Variants in PACSIN2 observed in about 807,000 individuals in gnomAD.
The protein encoded by PACSIN2 is protein kinase C and casein kinase substrate in neurons protein 2.
PACSIN2 carries 25 observed loss-of-function variants against 63.8 expected under a neutral mutation model. The observed-to-expected ratio is 0.39, with a 90% CI of 0.29 to 0.55. PACSIN2 has a LOEUF of 0.55. PACSIN2 is among the 20% of genes least tolerant of loss of function. The probability of loss-of-function intolerance (pLI) is 0.62; values close to 1 mark genes in which losing one functional copy is unlikely to be tolerated. For missense variants in PACSIN2, 518 were observed against 646.9 expected, an observed-to-expected ratio of 0.80 and a Z score of 2.16; for synonymous variants, 255 against 256.2, an observed-to-expected ratio of 1.00 and a Z score of 0.05.
intron 1 of PACSIN2, among the ~76,000 whole-genome samples, chr22:42,991,905 A>G (rs527511704): frequency 6.6e-6 from 1 of 152,314 alleles, no homozygotes; most frequent in East Asian, 1.9e-4. Context: ...ACATAAAACT[A>G]TAACATTTCT....
chr22:42,944,478 T>C (rs1314912865), intron 1 of PACSIN2, among the ~76,000 whole-genome samples: 1 of 152,178 alleles, frequency 6.6e-6, no homozygotes, highest in African/African-American at 2.4e-5. Context: ...GCTAATAGGC[T>C]TCATGGAAAA....
At chr22:42,874,490 C>T (rs1034601212) in intron 10 of PACSIN2, among the ~76,000 whole-genome samples, 1 of 152,180 alleles carries the variant, frequency 6.6e-6, no homozygotes, top group Non-Finnish European at 1.5e-5. Context: ...TTGGTGTGTG[C>T]ATGGTAGGTG....
chr22:42,877,263 C>T (rs1928713181), intron 8 of PACSIN2, among the ~76,000 whole-genome samples: 1 of 152,282 alleles, frequency 6.6e-6, no homozygotes, highest in East Asian at 1.9e-4. Flanking sequence ...CCGTCCAGAA[C>T]AGGGGCCCTG....
At chr22:42,924,502 G>C (rs1411936664) in intron 1 of PACSIN2, among the ~76,000 whole-genome samples, 1 of 152,078 alleles carries the variant, frequency 6.6e-6, no homozygotes, top group African/African-American at 2.4e-5. Flanking sequence ...CCACATTGCT[G>C]CTCTTAAGCC....
At chr22:42,953,820 C>T (rs372283631) in intron 1 of PACSIN2, among the ~76,000 whole-genome samples, 3 of 152,158 alleles carry the variant, frequency 2.0e-5, no homozygotes, top group East Asian at 3.8e-4. Flanking sequence ...CATATATGTG[C>T]CCTCTCAGAG....
rs1312506061 is a variant in PACSIN2, at chr22:43,014,371, C to A, written c.-78+650G>T. On this transcript the variant is annotated intron_variant, in intron 1 of 10. Transcript: ENST00000263246. ...ACACACAGACACACACACACCACCC[C>A]CCCCCCCCCGGGACACGGAGGGTGG... Among the ~76,000 whole-genome samples, 94 of 17,686 alleles carry A rather than the reference C, an allele frequency of 5.3e-3. 1 individual carries two copies. The highest frequency in any genetic ancestry group is 0.028 in the African/African-American group (89 of 3,228). 11.6% of individuals were successfully genotyped at this position (17,686 alleles called of 152,430 possible).
chr22:42,885,396 G>C (rs1052975405), intron 5 of PACSIN2, among the ~76,000 whole-genome samples: 16 of 152,084 alleles, frequency 1.1e-4, no homozygotes, highest in African/African-American at 2.9e-4. Flanking sequence ...GTGGGTGAGA[G>C]ATAGCAGGGC....
intron 1 of PACSIN2, among the ~76,000 whole-genome samples, chr22:42,997,973 G>A (rs1270323943): frequency 6.6e-6 from 1 of 152,192 alleles, no homozygotes; most frequent in Non-Finnish European, 1.5e-5. Context: ...AGGTGAGCAA[G>A]GCAGTAAAAT....
intron 1 of PACSIN2, among the ~76,000 whole-genome samples, chr22:42,925,796 G>A (rs1206523803): frequency 6.6e-6 from 1 of 152,170 alleles, no homozygotes; most frequent in Admixed American, 6.5e-5. Flanking sequence ...GGGCTGTGTG[G>A]TTCTACCCTG....
chr22:42,885,930 G>A (rs917162140), intron 5 of PACSIN2, among the ~76,000 whole-genome samples: 6 of 152,134 alleles, frequency 3.9e-5, no homozygotes, highest in East Asian at 1.9e-4. Flanking sequence ...CACACTGCCC[G>A]TGCCCACTAC....
At chr22:43,009,796 A>T (rs1413594100) in intron 1 of PACSIN2, among the ~76,000 whole-genome samples, 1 of 151,512 alleles carries the variant, frequency 6.6e-6, no homozygotes, top group Non-Finnish European at 1.5e-5. Flanking sequence ...CAAAATCTCT[A>T]GCCTTATTTA....
At chr22:42,951,473 G>C (rs1019342531) in intron 1 of PACSIN2, among the ~76,000 whole-genome samples, 1 of 152,072 alleles carries the variant, frequency 6.6e-6, no homozygotes, top group African/African-American at 2.4e-5. Context: ...CTCCAGATCC[G>C]GCATGGCCCG....
At chr22:42,988,023 C>T (rs1429203522) in intron 1 of PACSIN2, among the ~76,000 whole-genome samples, 1 of 151,982 alleles carries the variant, frequency 6.6e-6, no homozygotes, top group Admixed American at 6.6e-5. Flanking sequence ...TCCCTGTAGT[C>T]CCAGCTACTT....
intron 8 of PACSIN2, among the ~76,000 whole-genome samples, chr22:42,878,396 G>A (rs1388809395): frequency 6.6e-6 from 1 of 152,174 alleles, no homozygotes; most frequent in Admixed American, 6.5e-5. Flanking sequence ...GGAAGCCCCC[G>A]TATGAAATGA....
chr22:42,990,051 TAC>T lies in PACSIN2; in HGVS notation c.-78+24968_-78+24969del, dbSNP rs1246629204. On this transcript the variant is annotated intron_variant, in intron 1 of 10. Transcript: ENST00000263246. The stretch of plus-strand genomic sequence containing the variant: ...GTATATATATGTATATATATATATA[TAC>T]ACACACATATGTGTGTATATATATG... Among the ~76,000 whole-genome samples, 30 of 28,208 alleles carry T rather than the reference TAC, an allele frequency of 1.1e-3. No individual in the cohort carries two copies. In the South Asian group the frequency reaches 0.032, roughly 30 times the overall value. 18.5% of individuals were successfully genotyped at this position (28,208 alleles called of 152,430 possible).
At chr22:42,909,436 T>C in intron 2 of PACSIN2, 1 of 436,604 alleles carries the variant, frequency 2.3e-6, no homozygotes, top group Non-Finnish European at 4.8e-6. Flanking sequence ...CCTGGGAAGA[T>C]GTGCAGTTGG....
intron 1 of PACSIN2, among the ~76,000 whole-genome samples, chr22:42,917,802 CTTTTTA>C (rs954400967): frequency 1.6e-4 from 24 of 150,972 alleles, no homozygotes; most frequent in Non-Finnish European, 2.4e-4. Context: ...TTTTCTTTTT[CTTTTTA>C]GAGATGGGAT....
At chr22:42,879,209 C>T in intron 7 of PACSIN2, 40 bp from the exon 8 acceptor site, 1 of 1,598,828 alleles carries the variant, frequency 6.3e-7, no homozygotes, top group Non-Finnish European at 8.5e-7. Flanking sequence ...CAAAGGTTCA[C>T]TACTTGCTGG....
At chr22:42,977,087 C>G (rs1463654324) in intron 1 of PACSIN2, among the ~76,000 whole-genome samples, 2 of 152,008 alleles carry the variant, frequency 1.3e-5, no homozygotes, top group Non-Finnish European at 2.9e-5. Context: ...CATATATATG[C>G]ATTAATAGAC....
Sources: gnomAD v4.1 joint callset for allele counts (sites outside exome capture counted in the v4.1 genomes callset) on GRCh38, gnomAD v4.1.1 for gene constraint, MANE v1.5 for transcripts, NCBI Gene and HGNC (gene_info 2026-07-23, HGNC 2026-07-21) for gene names.